ARHGAP21: variants seen among roughly 807,000 people sequenced by gnomAD.
ARHGAP21 encodes the protein Rho GTPase activating protein 21.
ARHGAP21 carries 38 observed loss-of-function variants against 164.6 expected under a neutral mutation model. That is an observed-to-expected ratio of 0.23 (90% CI 0.18 to 0.30). The LOEUF (loss-of-function observed/expected upper bound fraction) is 0.30. Among genes scored for constraint, ARHGAP21 ranks in the 10% least tolerant of loss-of-function variants. ARHGAP21 has a pLI of 1.00. For synonymous variants in ARHGAP21, 766 were observed against 857.9 expected, an observed-to-expected ratio of 0.89 and a Z score of 1.87; for missense variants, 1,822 against 2,370.7, an observed-to-expected ratio of 0.77 and a Z score of 4.81.
At chr10:24,629,897 A>C (rs536995787) in intron 7 of ARHGAP21, 99 bp downstream of exon 7, 1 of 890,564 alleles carries the variant, frequency 1.1e-6, no homozygotes, top group East Asian at 2.5e-5. Context: ...TAAATTCTAG[A>C]ATTTTTTTTA....
chr10:24,689,373 G>A (rs1220151483), intron 2 of ARHGAP21, among the ~76,000 whole-genome samples: 5 of 152,106 alleles, frequency 3.3e-5, no homozygotes, highest in African/African-American at 9.7e-5. Flanking sequence ...TAACTTACCT[G>A]TCATTCCCCG....
intron 2 of ARHGAP21, among the ~76,000 whole-genome samples, chr10:24,697,340 GAAAA>G (rs991385742): frequency 2.0e-5 from 3 of 152,010 alleles, no homozygotes; most frequent in African/African-American, 7.3e-5. Context: ...TTCAGCAACA[GAAAA>G]AGAAAGAGAC....
chr10:24,687,734 C>G (rs1246478960), intron 2 of ARHGAP21, among the ~76,000 whole-genome samples: 2 of 152,160 alleles, frequency 1.3e-5, no homozygotes, highest in African/African-American at 4.8e-5. Context: ...AATTAAAAGT[C>G]GAGCTTAAAT....
At chr10:24,720,339 G>A (rs1845805562) in intron 2 of ARHGAP21, among the ~76,000 whole-genome samples, 1 of 151,126 alleles carries the variant, frequency 6.6e-6, no homozygotes, top group Non-Finnish European at 1.5e-5. Context: ...ACAAGACAAT[G>A]ACAAATAAGG....
At chr10:24,690,782 C>G (rs184621895) in intron 2 of ARHGAP21, among the ~76,000 whole-genome samples, 4 of 150,854 alleles carry the variant, frequency 2.7e-5, no homozygotes, top group African/African-American at 9.7e-5. Flanking sequence ...GAGCCGAGAT[C>G]GCGCCACTGC....
At chr10:24,610,858 G>T (rs756951414) in intron 9 of ARHGAP21, among the ~76,000 whole-genome samples, 1 of 151,998 alleles carries the variant, frequency 6.6e-6, no homozygotes, top group Non-Finnish European at 1.5e-5. Context: ...TGGAAAGAGC[G>T]AAACACATGA....
At chr10:24,603,789 G>C (rs1299327783) in intron 12 of ARHGAP21, among the ~76,000 whole-genome samples, 2 of 152,130 alleles carry the variant, frequency 1.3e-5, no homozygotes, top group African/African-American at 4.8e-5. Context: ...CCTGAGGTCA[G>C]GAGTTCGAGA....
intron 16 of ARHGAP21, 48 bp from the exon 17 acceptor site, chr10:24,596,930 G>C (rs763353297): frequency 3.3e-5 from 51 of 1,563,420 alleles, no homozygotes; most frequent in Non-Finnish European, 4.3e-5. Context: ...ATGGAAATGA[G>C]TGTCTAAATC....
chr10:24,719,796 A>G (rs1565216311), intron 2 of ARHGAP21, among the ~76,000 whole-genome samples: 3 of 152,228 alleles, frequency 2.0e-5, no homozygotes, highest in African/African-American at 7.2e-5. Flanking sequence ...ACAAGATTTA[A>G]TGTGTATCAG....
Position 24,670,122 on chromosome 10 carries a change from G to GA in ARHGAP21, c.243+95dup, listed in dbSNP as rs34300301. 75 of 790,420 alleles carry GA rather than the reference G, an allele frequency of 9.5e-5. No individual in the cohort carries two copies. In the South Asian group the frequency reaches 1.5e-3, roughly 16 times the overall value. 49.0% of individuals were successfully genotyped at this position (790,420 alleles called of 1,614,324 possible). The stretch of plus-strand genomic sequence containing the variant: ...TGTAATGCTTGATTCTTTTAAGACA[G>GA]AAAAAAGGCCATAGGGAAGGGTAAG... On this transcript the variant is annotated intron_variant, in intron 3 of 25. Coordinates refer to ENST00000396432, the MANE Select transcript of ARHGAP21 (RefSeq NM_020824.4).
chr10:24,629,737 C>T (rs1445291130), intron 7 of ARHGAP21: 1 of 493,834 alleles, frequency 2.0e-6, no homozygotes. Flanking sequence ...AGGACAAACT[C>T]TTTAGGAATC....
At chr10:24,630,254 C>T (rs149760648) in intron 6 of ARHGAP21, among the ~76,000 whole-genome samples, 17 of 152,174 alleles carry the variant, frequency 1.1e-4, no homozygotes, top group African/African-American at 3.6e-4. Flanking sequence ...AAAAGAGGGA[C>T]GGACCCCTGC....
At chr10:24,715,137 C>G (rs112066554) in intron 2 of ARHGAP21, among the ~76,000 whole-genome samples, 2,221 of 152,096 alleles carry the variant, frequency 0.015, 45 homozygotes, top group African/African-American at 0.039. Flanking sequence ...TGTAGGTTTG[C>G]CACAAACCAA....
At chr10:24,591,459 G>T in intron 23 of ARHGAP21, 129 bp from the exon 24 acceptor site, 1 of 1,094,118 alleles carries the variant, frequency 9.1e-7, no homozygotes, top group Non-Finnish European at 1.4e-6. Flanking sequence ...CATTGTTTAC[G>T]CATAATTAAC....
At chr10:24,700,946 C>T (rs189155807) in intron 2 of ARHGAP21, among the ~76,000 whole-genome samples, 2 of 152,000 alleles carry the variant, frequency 1.3e-5, no homozygotes, top group East Asian at 3.9e-4. Context: ...GTAGATACTG[C>T]TGGTCAGTTC....
In ARHGAP21 at chr10:24,585,344, T is replaced by G. The variant is rs2076056974; in HGVS notation, c.4945A>C (p.Thr1649Pro). ...SEFPVFPTAL[T>P]SERLFRGKLQ... ...TTTCCTCGGAAAAGCCTCTCTGAAG[T>G]CAAGGCTGTGGGGAACACGGGAAAC... The change falls in exon 26 of 26, where the codon ACT (threonine) becomes CCT (proline). Residue 1649 changes from threonine (T) to proline (P), a missense_variant. Thr to Pro is a conservative substitution (Grantham distance 38). Coordinates refer to ENST00000396432, the MANE Select transcript of ARHGAP21 (RefSeq NM_020824.4). 1 of 1,613,392 alleles carries G rather than the reference T, an allele frequency of 6.2e-7. No homozygotes were observed. Among genetic ancestry groups the G allele is most frequent in the African/African-American group, 1.3e-5 (1 of 74,914 alleles).
At chr10:24,696,666 G>C (rs1163519677) in intron 2 of ARHGAP21, among the ~76,000 whole-genome samples, 5 of 152,154 alleles carry the variant, frequency 3.3e-5, no homozygotes, top group African/African-American at 9.7e-5. Context: ...ATGGCTCTAG[G>C]AAGTTTGGAA....
intron 2 of ARHGAP21, among the ~76,000 whole-genome samples, chr10:24,719,697 C>T (rs1375650582): frequency 2.0e-5 from 3 of 152,054 alleles, no homozygotes; most frequent in Admixed American, 1.3e-4. Flanking sequence ...ATAAAATTGA[C>T]GACAAAAATT....
chr10:24,721,728 G>A (rs1845959978), intron 2 of ARHGAP21, 109 bp downstream of exon 2: 32 of 1,295,620 alleles, frequency 2.5e-5, no homozygotes, highest in Non-Finnish European at 3.5e-5. Flanking sequence ...CAGGCTCAAA[G>A]CCCCGGGAAG....
Sources: allele counts gnomAD v4.1 joint callset (sites outside exome capture counted in the v4.1 genomes callset), GRCh38; gene constraint gnomAD v4.1.1; transcripts MANE v1.5; gene names NCBI Gene and HGNC (gene_info 2026-07-23, HGNC 2026-07-21).